ACSF2: variants seen among roughly 807,000 people sequenced by gnomAD.
ACSF2 encodes the protein medium-chain acyl-CoA ligase ACSF2, mitochondrial.
Under a neutral mutation model 79.3 loss-of-function variants are expected in ACSF2, and 52 were observed. The ratio of observed to expected loss-of-function variants is 0.66; its 90% confidence interval spans 0.53 to 0.83. The LOEUF is 0.83. Ranked by LOEUF, ACSF2 falls within the 40% of genes least tolerant of loss-of-function variation. The pLI, the probability that ACSF2 is intolerant of heterozygous loss-of-function variation, is 0.00. For missense variants in ACSF2, 661 were observed against 803.3 expected (o/e 0.82, Z 2.14); for synonymous variants, 283 against 312.6 (o/e 0.91, Z 1.00).
intron 10 of ACSF2, chr17:50,468,332 T>C (rs2032878794): frequency 6.2e-7 from 1 of 1,613,826 alleles, no homozygotes; most frequent in Non-Finnish European, 8.5e-7. Flanking sequence ...TGCGCGCAGC[T>C]CACGGATCTT....
intron 10 of ACSF2, chr17:50,464,622 C>T (rs1259051997): frequency 1.9e-6 from 1 of 521,038 alleles, no homozygotes; most frequent in Non-Finnish European, 3.7e-6. Context: ...AGAGTTGGGG[C>T]ATGGGCTTTA....
At chr17:50,468,772 A>G (rs1474495765) in intron 10 of ACSF2, 1 of 1,582,624 alleles carries the variant, frequency 6.3e-7, no homozygotes, top group Non-Finnish European at 8.6e-7. Flanking sequence ...GCAGCAGACC[A>G]GCCAGGAGGC....
intron 11 of ACSF2, chr17:50,472,204 G>T: frequency 1.9e-6 from 1 of 523,418 alleles, no homozygotes; most frequent in South Asian, 2.7e-5. Flanking sequence ...TCCCAGCCTG[G>T]GACTCAGCTC....
In ACSF2 at chr17:50,439,232, C is replaced by CCT. The variant is rs1296228793; in HGVS notation, c.128+12843_128+12844insCT. 2.2e-4 allele frequency among the ~76,000 whole-genome samples: 21 copies of CCT among 96,462 alleles called. 3 individuals are homozygous for CCT. Among genetic ancestry groups the CCT allele is most frequent in the Admixed American group, 3.4e-4 (3 of 8,866 alleles). The allele number at this position is 96,462 out of a possible 152,430, so 63.3% of individuals were successfully genotyped here. A position where few individuals can be genotyped will look rare whatever the true frequency, so the allele number is the denominator to read the frequency against. On this transcript the variant is annotated intron_variant, in intron 1 of 15. Coordinates refer to ENST00000300441, the MANE Select transcript of ACSF2 (RefSeq NM_025149.6). ...ACGACAGGTGCATGCTACCACACAGCTTTTTTTTTTTTTTTTTTTTTTTTT... is the reference window on the plus strand; with the variant it reads ...ACGACAGGTGCATGCTACCACACAGCCTTTTTTTTTTTTTTTTTTTTTTTTTT...
chr17:50,474,246 C>A lies in ACSF2; in HGVS notation c.1776C>A (p.Tyr592Ter), dbSNP rs1368968907. ...AGTACATCGTGTTTGTCACAAACTA[C>A]CCCCTCACCATTTCAGGAAAGGTGT... The part of the protein sequence containing the change: ...IPKYIVFVTN[Y>*]PLTISGKIQK... The change falls in exon 15 of 16, where the codon TAC (tyrosine) becomes TAA (stop). Residue 592 changes from tyrosine to a stop codon, truncating the protein, a stop_gained. Coordinates refer to ENST00000300441, the MANE Select transcript of ACSF2 (RefSeq NM_025149.6). LOFTEE classifies it high-confidence loss of function. This position sits in a 1 kb window ranked among gnomAD's most constrained non-coding sequence, Gnocchi z 4.2. The A allele has an allele frequency of 2.5e-6, 4 of 1,614,122 alleles. No homozygotes were observed. The highest frequency in any genetic ancestry group is 3.4e-6 in the Non-Finnish European group (4 of 1,180,048).
At chr17:50,451,739 C>T (rs141240118) in intron 1 of ACSF2, among the ~76,000 whole-genome samples, 162 of 152,334 alleles carry the variant, frequency 1.1e-3, no homozygotes, top group South Asian at 2.5e-3. Flanking sequence ...CGTGAGCCAC[C>T]GCGCCCAGCC....
In ACSF2 at chr17:50,463,438, A is replaced by G. The variant is rs1434313923; in HGVS notation, c.932A>G (p.His311Arg). Residue 311 changes from histidine (H) to arginine (R), a missense_variant, in exon 8 of 16, where the codon CAT becomes CGT. Coordinates refer to ENST00000300441, the MANE Select transcript of ACSF2 (RefSeq NM_025149.6). The surrounding 1 kb of genome is among the most constrained non-coding windows in gnomAD (Gnocchi z 4.6). ...ATGATCCTGCCCAACCCCCTGTACCATTGCCTGGGTTCCGTGGCAGGCACA... is the reference window on the plus strand; with the variant it reads ...ATGATCCTGCCCAACCCCCTGTACCGTTGCCTGGGTTCCGTGGCAGGCACA... ...LRMILPNPLY[H>R]CLGSVAGTMM... 2 of 1,614,040 alleles carry G rather than the reference A, an allele frequency of 1.2e-6. No homozygotes were observed. The highest frequency in any genetic ancestry group is 1.7e-6 in the Non-Finnish European group (2 of 1,179,998).
chr17:50,461,152 G>C, intron 2 of ACSF2, 90 bp from the exon 3 acceptor site: 1 of 1,576,628 alleles, frequency 6.3e-7, no homozygotes, highest in Non-Finnish European at 8.6e-7. Flanking sequence ...TGACTGTGAT[G>C]AGAACTCCGG....
intron 10 of ACSF2, chr17:50,464,880 G>A: frequency 2.8e-6 from 1 of 351,336 alleles, no homozygotes; most frequent in Non-Finnish European, 5.6e-6. Flanking sequence ...GCTGGGTGGA[G>A]CTGGGTTGGT....
intron 10 of ACSF2, among the ~76,000 whole-genome samples, chr17:50,466,073 C>CTT (rs10707664): frequency 3.3e-5 from 4 of 120,026 alleles, no homozygotes; most frequent in African/African-American, 6.4e-5. Context: ...GTGTTATTTT[C>CTT]TTTTTTTTTT....
intron 1 of ACSF2, among the ~76,000 whole-genome samples, chr17:50,446,013 A>G (rs2031276033): frequency 6.6e-6 from 1 of 152,216 alleles, no homozygotes; most frequent in Non-Finnish European, 1.5e-5. Context: ...CTCAGGAAGG[A>G]AAAGCCTATG....
chr17:50,463,561 T>A lies in ACSF2; in HGVS notation c.1046+9T>A, dbSNP rs918016455. 7 of 1,613,378 alleles carry A rather than the reference T, an allele frequency of 4.3e-6. No homozygotes were observed. The highest frequency in any genetic ancestry group is 3.3e-5 in the Admixed American group (2 of 59,940). ...GCCATCAGCAGAGAGAGGTGGGCAC[T>A]GGTGGACAGGCTACTTGTGGGCTGA... is the stretch of plus-strand genomic sequence containing the variant. On this transcript the variant is annotated intron_variant, in intron 8 of 15. Transcript: ENST00000300441. This position sits in a 1 kb window ranked among gnomAD's most constrained non-coding sequence, Gnocchi z 4.6.
At chr17:50,457,839 C>T (rs2032102830) in intron 1 of ACSF2, among the ~76,000 whole-genome samples, 1 of 152,046 alleles carries the variant, frequency 6.6e-6, no homozygotes, top group South Asian at 2.1e-4. Context: ...GAGTCAAAGG[C>T]GGTTGGGGTG....
At position 50,441,008 on chromosome 17, in the gene ACSF2, G is replaced by T. The variant is rs184157583; in HGVS notation, c.128+14619G>T. Among the ~76,000 whole-genome samples the T allele has an allele frequency of 3.9e-5, 6 of 152,386 alleles. No homozygotes were observed. In the East Asian group the frequency reaches 1.2e-3, roughly 29 times the overall value. The stretch of plus-strand genomic sequence containing the variant: ...GCCATCCCGGGAGGGGCTCCCCATG[G>T]ACTGGAGGCACTCAGACGGCTCCCC... On this transcript the variant is annotated intron_variant, in intron 1 of 15. Transcript: ENST00000300441.
intron 1 of ACSF2, among the ~76,000 whole-genome samples, chr17:50,432,807 G>A (rs116650271): frequency 2.5e-3 from 377 of 152,260 alleles, no homozygotes; most frequent in African/African-American, 8.6e-3. Context: ...CTGAACCTCC[G>A]CAGACCTTAG....
chr17:50,434,400 T>C (rs2030212127), intron 1 of ACSF2, among the ~76,000 whole-genome samples: 1 of 151,606 alleles, frequency 6.6e-6, no homozygotes, highest in Admixed American at 6.6e-5. Context: ...TCAAAATCTT[T>C]ACTGGGCTGG....
chr17:50,468,282 G>A, intron 10 of ACSF2: 2 of 1,612,560 alleles, frequency 1.2e-6, no homozygotes, highest in Non-Finnish European at 1.7e-6. Context: ...TTTTCCGACA[G>A]GTAGAGCCAG....
At chr17:50,426,413 A>G in intron 1 of ACSF2, 24 bp downstream of exon 1, 1 of 1,302,192 alleles carries the variant, frequency 7.7e-7, no homozygotes, top group South Asian at 2.6e-5. Flanking sequence ...GCGGGAAGAG[A>G]GGGGGCGGGG....
At chr17:50,465,407 G>A in intron 10 of ACSF2, 7 of 1,614,022 alleles carry the variant, frequency 4.3e-6, no homozygotes, top group Non-Finnish European at 5.9e-6. Flanking sequence ...GGCACAGGTG[G>A]CATCTGGGCG....
Sources: gnomAD v4.1 joint callset for allele counts (sites outside exome capture counted in the v4.1 genomes callset) on GRCh38, gnomAD v4.1.1 for gene constraint, Gnocchi (gnomAD v3.1) non-coding constraint, MANE v1.5 for transcripts, NCBI Gene and HGNC (gene_info 2026-07-23, HGNC 2026-07-21) for gene names.